Variants in TTBK2 observed in about 807,000 individuals in gnomAD.
TTBK2 encodes tau tubulin kinase 2.
TTBK2 carries 28 observed loss-of-function variants against 110.8 expected under a neutral mutation model. The ratio of observed to expected loss-of-function variants is 0.25; its 90% CI spans 0.19 to 0.35. The LOEUF is 0.35. Among genes scored for constraint, TTBK2 ranks in the 10% least tolerant of loss-of-function variants. The pLI, the probability that TTBK2 is intolerant of heterozygous loss-of-function variation, is 1.00. For synonymous variants in TTBK2, 532 were observed against 527.3 expected (o/e 1.01, Z -0.12); for missense variants, 1,369 against 1,500.3 (o/e 0.91, Z 1.45).
intron 3 of TTBK2, among the ~76,000 whole-genome samples, chr15:42,858,999 A>G (rs989736371): frequency 2.0e-5 from 3 of 152,364 alleles, no homozygotes; most frequent in South Asian, 2.1e-4. Context: ...AATATGCCAC[A>G]GCATTCTGTT....
chr15:42,879,996 C>CAAAAAAAAAA (rs71108186), intron 1 of TTBK2, among the ~76,000 whole-genome samples: 4 of 74,422 alleles, frequency 5.4e-5, no homozygotes, highest in African/African-American at 1.0e-4. Flanking sequence ...GATCCTGTCT[C>CAAAAAAAAAA]AAAAAAAAAA....
chr15:42,837,005 A>G (rs1440972462), intron 4 of TTBK2, among the ~76,000 whole-genome samples: 1 of 152,200 alleles, frequency 6.6e-6, no homozygotes, highest in Admixed American at 6.5e-5. Context: ...AAAATGTCAC[A>G]CAAAAAGTTA....
chr15:42,881,728 G>A (rs1047519946), intron 1 of TTBK2, among the ~76,000 whole-genome samples: 7 of 151,624 alleles, frequency 4.6e-5, no homozygotes, highest in Admixed American at 6.6e-5. Flanking sequence ...AAAAATTAGC[G>A]GGCGTGGTAG....
intron 3 of TTBK2, among the ~76,000 whole-genome samples, chr15:42,865,553 G>A (rs980213396): frequency 2.7e-5 from 4 of 150,742 alleles, no homozygotes; most frequent in African/African-American, 7.3e-5. Context: ...GGGCACAGTC[G>A]TGCACACCCT....
At chr15:42,884,649 G>T (rs893872691) in intron 1 of TTBK2, among the ~76,000 whole-genome samples, 6 of 152,166 alleles carry the variant, frequency 3.9e-5, no homozygotes, top group African/African-American at 1.4e-4. Flanking sequence ...CTGGGGAGGA[G>T]AGAGATGCTG....
At chr15:42,802,424 C>T (rs759196816) in intron 9 of TTBK2, 12 of 722,142 alleles carry the variant, frequency 1.7e-5, no homozygotes, top group Non-Finnish European at 2.0e-5. Flanking sequence ...GCAGGCGGGC[C>T]GAACCAGACG....
At chr15:42,802,035 C>T in intron 9 of TTBK2, 2 of 1,472,704 alleles carry the variant, frequency 1.4e-6, no homozygotes, top group Non-Finnish European at 1.9e-6. Context: ...TCTGCTGCTG[C>T]ACGAGGCTCC....
chr15:42,865,618 T>C (rs1595999551), intron 3 of TTBK2, among the ~76,000 whole-genome samples: 1 of 150,504 alleles, frequency 6.6e-6, no homozygotes, highest in Admixed American at 6.6e-5. Flanking sequence ...AGGCCAGGAG[T>C]TGGGGGCCGG....
chr15:42,860,610 A>G (rs1567064360), intron 3 of TTBK2, among the ~76,000 whole-genome samples: 1 of 151,550 alleles, frequency 6.6e-6, no homozygotes, highest in Non-Finnish European at 1.5e-5. Context: ...CATCTCCACA[A>G]AAAATTAAAC....
chr15:42,832,699 G>C (rs1012725989), intron 4 of TTBK2, among the ~76,000 whole-genome samples: 1 of 152,152 alleles, frequency 6.6e-6, no homozygotes, highest in African/African-American at 2.4e-5. Flanking sequence ...GCCATTCTGA[G>C]TAGTGTGATG....
intron 10 of TTBK2, among the ~76,000 whole-genome samples, chr15:42,785,519 A>ACAGTTG (rs1890372638): frequency 1.3e-5 from 2 of 152,308 alleles, no homozygotes; most frequent in Non-Finnish European, 2.9e-5. Flanking sequence ...GACTTTCTGT[A>ACAGTTG]ATTATACAGT....
intron 3 of TTBK2, among the ~76,000 whole-genome samples, chr15:42,864,900 A>G (rs893347530): frequency 1.3e-5 from 2 of 152,234 alleles, no homozygotes; most frequent in African/African-American, 4.8e-5. Context: ...TTAATTATGT[A>G]TGCTTATGTA....
At chr15:42,887,278 C>T (rs1274588599) in intron 1 of TTBK2, among the ~76,000 whole-genome samples, 5 of 152,142 alleles carry the variant, frequency 3.3e-5, no homozygotes, top group African/African-American at 1.2e-4. Context: ...TGACTATTCC[C>T]GGGCTATAGC....
At chr15:42,919,537 A>C (rs899356518) in intron 1 of TTBK2, among the ~76,000 whole-genome samples, 1 of 152,228 alleles carries the variant, frequency 6.6e-6, no homozygotes, top group Non-Finnish European at 1.5e-5. Flanking sequence ...GTGTGTCTAC[A>C]TGTGCCCATT....
At chr15:42,763,086 ATATATATATATATATACG>A (rs2062055735) in intron 13 of TTBK2, among the ~76,000 whole-genome samples, 1 of 106,816 alleles carries the variant, frequency 9.4e-6, no homozygotes, top group Non-Finnish European at 1.7e-5. Flanking sequence ...TAACAATTTT[ATATATATATATATATACG>A]TATATATATA....
chr15:42,781,610 ATT>A (rs1424754676), intron 11 of TTBK2, among the ~76,000 whole-genome samples: 14 of 151,982 alleles, frequency 9.2e-5, no homozygotes, highest in Admixed American at 7.9e-4. Context: ...AATTTAAAAA[ATT>A]TTCCTTTAAG....
At chr15:42,810,957 C>T (rs1190150955) in intron 8 of TTBK2, among the ~76,000 whole-genome samples, 1 of 152,120 alleles carries the variant, frequency 6.6e-6, no homozygotes. Context: ...CAGAGTTCTG[C>T]ATCAGTGTAT....
rs1167679213 is a variant in TTBK2 at position 42,775,287 on chromosome 15, C to T, written c.1846G>A (p.Val616Met). ...NDHLKKETSG[V>M]VLALSAEGPP... ...CCCTCTGCAGAAAGTGCTAAGACCA[C>T]ACCTGAGGTTTCCTTCTTTAAATGA... The change falls in exon 13 of 15, where the codon GTG becomes ATG. Residue 616 changes from valine (V) to methionine (M), a missense_variant. By Grantham distance (21) the Val-to-Met change is conservative. Around this residue, in one of 4 missense-constraint regions of TTBK2, gnomAD observed 1,097 missense variants for 1,114.7 expected, o/e 0.98. Coordinates refer to ENST00000267890, the MANE Select transcript of TTBK2 (RefSeq NM_173500.4). The T allele has an allele frequency of 1.9e-6, 3 of 1,614,110 alleles. No individual in the cohort carries two copies. The highest frequency in any genetic ancestry group is 1.7e-5 in the Admixed American group (1 of 60,004).
intron 3 of TTBK2, among the ~76,000 whole-genome samples, chr15:42,869,008 CATT>C: frequency 6.6e-6 from 1 of 152,076 alleles, no homozygotes; most frequent in Non-Finnish European, 1.5e-5. Context: ...GAGGAACCAT[CATT>C]TTACTGTAGA....
Sources: allele counts gnomAD v4.1 joint callset (sites outside exome capture counted in the v4.1 genomes callset), GRCh38; gene constraint gnomAD v4.1.1; regional missense constraint gnomAD v4.1.1; transcripts MANE v1.5; gene names NCBI Gene and HGNC (gene_info 2026-07-23, HGNC 2026-07-21).